TAF4: variants seen among roughly 807,000 people sequenced by gnomAD.
TAF4 encodes the protein transcription initiation factor TFIID subunit 4.
A neutral mutation model predicts 90.3 loss-of-function variants in TAF4; 9 were observed. That is an observed-to-expected ratio of 0.10 (90% CI 0.06 to 0.17). TAF4 has a LOEUF of 0.17. TAF4 is among the 10% of genes least tolerant of loss of function. The pLI, the probability that TAF4 is intolerant of heterozygous loss-of-function variation, is 1.00. For missense variants in TAF4, 1,351 were observed against 1,370.7 expected (o/e 0.99, Z 0.23); for synonymous variants, 818 against 638.9 (o/e 1.28, Z -4.23).
chr20:62,008,935 C>A, intron 5 of TAF4, 117 bp downstream of exon 5: 1 of 1,397,106 alleles, frequency 7.2e-7, no homozygotes, highest in Non-Finnish European at 9.5e-7. Flanking sequence ...CTGCAGCCTT[C>A]CAGAGGAGCT....
At chr20:62,029,646 G>A (rs910958223) in intron 1 of TAF4, among the ~76,000 whole-genome samples, 3 of 152,120 alleles carry the variant, frequency 2.0e-5, no homozygotes, top group East Asian at 1.9e-4. Flanking sequence ...GGTGGCTCAC[G>A]CCTGTAATCC....
chr20:61,976,297 A>G lies in TAF4; in HGVS notation c.3129T>C (p.Gly1043=). The G allele has an allele frequency of 6.2e-7, 1 of 1,613,728 alleles. No homozygotes were observed. The highest frequency in any genetic ancestry group is 8.5e-7 in the Non-Finnish European group (1 of 1,180,024). Residue 1043 remains glycine (G), a synonymous_variant, in exon 15 of 15, where the codon GGT becomes GGC. Transcript: ENST00000252996. ...GPGSVVPGSS[G]VGTPRQFTRQ... ...GCGTGAACTGTCTGGGGGTTCCGAC[A>G]CCCGAGCTGCCTGGGACCACTGAGC...
At chr20:61,995,135 TCA>T (rs2055655413) in intron 14 of TAF4, among the ~76,000 whole-genome samples, 2 of 152,094 alleles carry the variant, frequency 1.3e-5, no homozygotes, top group African/African-American at 4.8e-5. Context: ...TCAAGGGAGA[TCA>T]CAGAGTCCAG....
rs2296081 is a variant in TAF4, at chr20:61,997,607, C to T, written c.3033G>A (p.Ala1011=). Residue 1011 remains alanine (A), a synonymous_variant, in exon 14 of 15, where the codon GCG becomes GCA. Transcript: ENST00000252996. The part of the protein sequence containing the change: ...QRDANLTALA[A]IGPRKKRKVD... The stretch of plus-strand genomic sequence containing the variant: ...CTTTCCTCTTTTTCCTGGGCCCGAT[C>T]GCTGCTAGTGCTGTGAGGTTGGCGT... The T allele has an allele frequency of 8.1e-6, 13 of 1,613,378 alleles. No individual in the cohort carries two copies. The highest frequency in any genetic ancestry group is 1.0e-5 in the Non-Finnish European group (12 of 1,179,836).
At chr20:62,037,111 T>C (rs2055936609) in intron 1 of TAF4, among the ~76,000 whole-genome samples, 1 of 152,172 alleles carries the variant, frequency 6.6e-6, no homozygotes, top group African/African-American at 2.4e-5. Flanking sequence ...AGAAGGGGAT[T>C]CCTCAACCTA....
At chr20:62,033,772 G>A (rs1462903255) in intron 1 of TAF4, among the ~76,000 whole-genome samples, 1 of 151,240 alleles carries the variant, frequency 6.6e-6, no homozygotes, top group Non-Finnish European at 1.5e-5. Flanking sequence ...GCCAGGTGAG[G>A]TGGCTCACGC....
chr20:62,029,059 G>A (rs749182098), intron 1 of TAF4, among the ~76,000 whole-genome samples: 37 of 152,156 alleles, frequency 2.4e-4, no homozygotes, highest in Admixed American at 1.4e-3. Context: ...AGCCGGGCAC[G>A]GTGGTGGGCG....
chr20:62,062,903 G>A (rs979265112), intron 1 of TAF4, among the ~76,000 whole-genome samples: 38 of 152,202 alleles, frequency 2.5e-4, no homozygotes, highest in African/African-American at 8.9e-4. Context: ...GCTGAGACAC[G>A]TGGGACCTCT....
chr20:61,997,118 A>G (rs1303891548), intron 14 of TAF4, among the ~76,000 whole-genome samples: 2 of 152,270 alleles, frequency 1.3e-5, no homozygotes, highest in Non-Finnish European at 2.9e-5. Context: ...CCACAAACAT[A>G]GACGAGAAAC....
At chr20:62,024,031 T>G (rs2145487219) in intron 1 of TAF4, among the ~76,000 whole-genome samples, 1 of 151,784 alleles carries the variant, frequency 6.6e-6, no homozygotes, top group African/African-American at 2.4e-5. Flanking sequence ...TGAGCCGAGA[T>G]CACCCCACTA....
intron 1 of TAF4, chr20:62,064,156 T>C (rs1194365660): frequency 2.9e-6 from 1 of 342,174 alleles, no homozygotes; most frequent in Non-Finnish European, 5.3e-6. Flanking sequence ...TAAGGACCAC[T>C]CCACTAAGAG....
intron 1 of TAF4, among the ~76,000 whole-genome samples, chr20:62,018,465 G>A (rs1250228407): frequency 6.6e-6 from 1 of 152,236 alleles, no homozygotes; most frequent in African/African-American, 2.4e-5. Context: ...GTAATCAACC[G>A]TGGTTACGGG....
Position 62,006,635 on chromosome 20 carries a change from T to C in TAF4, c.2098A>G (p.Ser700Gly). Residue 700 changes from serine to glycine, a missense_variant, in exon 7 of 15, where the codon AGC (serine) becomes GGC (glycine). Physicochemically the swap from Ser to Gly is moderately conservative, Grantham distance 56 (BLOSUM62 0). This residue lies in a region of TAF4 where 202 missense variants were observed against 229.7 expected (regional missense o/e 0.88). Coordinates refer to ENST00000252996, the MANE Select transcript of TAF4 (RefSeq NM_003185.4). This position sits in a 1 kb window ranked among gnomAD's most constrained non-coding sequence, Gnocchi z 7.0. Reference protein sequence around the residue: ...TTALTAVVLSSSVQRTAGKTA... With the variant: ...TTALTAVVLSGSVQRTAGKTA... ...TTCCCGGCCGTGCGCTGGACCGAGC[T>C]ACTCAGCACCACGGCCGTGAGCGCA... The C allele has an allele frequency of 6.2e-7, 1 of 1,601,654 alleles. No homozygotes were observed. Among genetic ancestry groups the C allele is most frequent in the South Asian group, 1.1e-5 (1 of 90,130 alleles).
At chr20:61,998,870 G>A in intron 12 of TAF4, 113 bp downstream of exon 12, 1 of 1,429,388 alleles carries the variant, frequency 7.0e-7, no homozygotes, top group Non-Finnish European at 9.5e-7. Flanking sequence ...TTTGCTTCAA[G>A]GCCAGCCCAA....
intron 1 of TAF4, among the ~76,000 whole-genome samples, chr20:62,051,054 G>T (rs144483996): frequency 2.0e-5 from 3 of 152,192 alleles, no homozygotes; most frequent in African/African-American, 4.8e-5. Flanking sequence ...AAAGTTACAA[G>T]GAGGTTCAGA....
intron 12 of TAF4, 125 bp downstream of exon 12, chr20:61,998,858 C>G: frequency 7.9e-7 from 1 of 1,267,258 alleles, no homozygotes; most frequent in Non-Finnish European, 1.1e-6. Context: ...GCACCCATCA[C>G]CTTTGCTTCA....
In TAF4 at chr20:61,998,967, G is replaced by A; in HGVS notation, c.2913+16C>T. On this transcript the variant is annotated intron_variant, in intron 12 of 14. Transcript: ENST00000252996. ...CGGAGGTGCCCAGACGGCAGCAGCAGACACCCAGCACTCGCCTTTGCTGCC... is the reference window on the plus strand; with the variant it reads ...CGGAGGTGCCCAGACGGCAGCAGCAAACACCCAGCACTCGCCTTTGCTGCC... The A allele has an allele frequency of 1.2e-6, 2 of 1,611,912 alleles. No individual in the cohort carries two copies. Among genetic ancestry groups the A allele is most frequent in the Non-Finnish European group, 1.7e-6 (2 of 1,179,656 alleles).
intron 13 of TAF4, 149 bp from the exon 14 acceptor site, chr20:61,997,818 C>A: frequency 9.3e-7 from 1 of 1,076,310 alleles, no homozygotes; most frequent in Non-Finnish European, 1.3e-6. Context: ...TAAGCATATT[C>A]TATAATCCAA....
At chr20:62,049,919 G>C (rs1391300728) in intron 1 of TAF4, among the ~76,000 whole-genome samples, 1 of 152,146 alleles carries the variant, frequency 6.6e-6, no homozygotes, top group East Asian at 1.9e-4. Flanking sequence ...TTGGAGCAAA[G>C]TGACTGCTTC....
Sources: gnomAD v4.1 joint callset for allele counts (sites outside exome capture counted in the v4.1 genomes callset) on GRCh38, gnomAD v4.1.1 for gene constraint, gnomAD v4.1.1 regional missense constraint, Gnocchi (gnomAD v3.1) non-coding constraint, MANE v1.5 for transcripts, NCBI Gene and HGNC (gene_info 2026-07-23, HGNC 2026-07-21) for gene names.